BBX: variants seen among roughly 807,000 people sequenced by gnomAD.
BBX encodes the protein HMG box transcription factor BBX.
BBX carries 30 observed loss-of-function variants against 100.2 expected under a neutral mutation model. That is an observed-to-expected ratio of 0.30 (90% CI 0.22 to 0.41). BBX has a LOEUF of 0.41. Among genes scored for constraint, BBX ranks in the 10% least tolerant of loss-of-function variants. The pLI is 1.00. For synonymous variants in BBX, 376 were observed against 388.1 expected (o/e 0.97, Z 0.37); for missense variants, 1,023 against 1,129.8 (o/e 0.91, Z 1.35).
At chr3:107,684,222 A>G (rs67944096) in intron 3 of BBX, among the ~76,000 whole-genome samples, 15,727 of 152,202 alleles carry the variant, frequency 0.1, 973 homozygotes, top group Non-Finnish European at 0.13. Context: ...AACCATGGAG[A>G]TGACGGATAT....
chr3:107,549,801 C>T (rs1243567473), intron 2 of BBX, among the ~76,000 whole-genome samples: 2 of 151,196 alleles, frequency 1.3e-5, no homozygotes, highest in Non-Finnish European at 2.9e-5. Flanking sequence ...TAATAGCAGT[C>T]AGGTGAGCTA....
chr3:107,615,896 T>C (rs1364865581), intron 2 of BBX, among the ~76,000 whole-genome samples: 1 of 151,428 alleles, frequency 6.6e-6, no homozygotes, highest in African/African-American at 2.4e-5. Context: ...TTAGGAGGAA[T>C]GTAGAGCTAG....
intron 3 of BBX, among the ~76,000 whole-genome samples, chr3:107,670,220 T>C (rs2058950969): frequency 6.6e-6 from 1 of 152,056 alleles, no homozygotes; most frequent in South Asian, 2.1e-4. Flanking sequence ...AAACATACAG[T>C]AAGAGAATAC....
rs762238459 is a variant in BBX, at chr3:107,798,504, A to G, written c.2354-19A>G. The G allele has an allele frequency of 3.1e-6, 5 of 1,609,260 alleles. No homozygotes were observed. The highest frequency in any genetic ancestry group is 1.1e-5 in the South Asian group (1 of 90,910). The stretch of plus-strand genomic sequence containing the variant: ...CTTCTGTTTTTGTGCATAACTATGC[A>G]TGGTATTTCCTATTTCAGCCATATT... On this transcript the variant is annotated intron_variant, in intron 15 of 17. Coordinates refer to ENST00000325805, the MANE Select transcript of BBX (RefSeq NM_001142568.3).
intron 3 of BBX, among the ~76,000 whole-genome samples, chr3:107,697,938 C>A (rs1435591132): frequency 6.6e-6 from 1 of 151,914 alleles, no homozygotes; most frequent in Non-Finnish European, 1.5e-5. Context: ...GCGCAGTATT[C>A]GGGTGGGAGT....
rs968271671 is a variant in BBX, at chr3:107,604,430, G to A, written c.-83-41406G>A. ...ATTTTCTAGGTTCTTCGGTATTCTG[G>A]TCACTCCCCTTCCTGGAATTGCTCT... On this transcript the variant is annotated intron_variant, in intron 2 of 17. Coordinates refer to ENST00000325805, the MANE Select transcript of BBX (RefSeq NM_001142568.3). 2.0e-5 allele frequency among the ~76,000 whole-genome samples: 3 copies of A among 152,058 alleles called. No homozygotes were observed. The South Asian group carries it at 6.2e-4, about 32-fold the overall frequency.
At chr3:107,730,335 G>A (rs2063227662) in intron 6 of BBX, among the ~76,000 whole-genome samples, 1 of 152,052 alleles carries the variant, frequency 6.6e-6, no homozygotes, top group African/African-American at 2.4e-5. Context: ...ATATCAGTTG[G>A]AGTACTTTCT....
intron 15 of BBX, among the ~76,000 whole-genome samples, chr3:107,798,240 C>T (rs1297910849): frequency 6.6e-6 from 1 of 152,186 alleles, no homozygotes; most frequent in Non-Finnish European, 1.5e-5. Flanking sequence ...TCAGATTTAC[C>T]TAAATTATCG....
At chr3:107,701,629 A>G (rs1196942277) in intron 3 of BBX, among the ~76,000 whole-genome samples, 2 of 152,192 alleles carry the variant, frequency 1.3e-5, no homozygotes, top group African/African-American at 4.8e-5. Context: ...TGCTCAGTAA[A>G]TATGTATTCA....
At chr3:107,596,071 T>A (rs934601603) in intron 2 of BBX, among the ~76,000 whole-genome samples, 3 of 152,236 alleles carry the variant, frequency 2.0e-5, no homozygotes, top group African/African-American at 7.2e-5. Flanking sequence ...TCCAATATAT[T>A]TTTTTGAAAA....
At chr3:107,686,597 T>C (rs1241032794) in intron 3 of BBX, among the ~76,000 whole-genome samples, 1 of 152,204 alleles carries the variant, frequency 6.6e-6, no homozygotes, top group Non-Finnish European at 1.5e-5. Flanking sequence ...GACAGACCCC[T>C]CTTTCCACTA....
intron 5 of BBX, among the ~76,000 whole-genome samples, chr3:107,718,807 T>C (rs1333134344): frequency 6.6e-6 from 1 of 152,124 alleles, no homozygotes; most frequent in Admixed American, 6.6e-5. Flanking sequence ...CAGTGCAGTC[T>C]AAGTGTGGAG....
chr3:107,640,862 A>T (rs563621634), intron 2 of BBX, among the ~76,000 whole-genome samples: 1 of 152,224 alleles, frequency 6.6e-6, no homozygotes, highest in Admixed American at 6.5e-5. Context: ...AGGTTTCTCC[A>T]TGTTGGCCAG....
chr3:107,693,471 C>T (rs1258454250), intron 3 of BBX, among the ~76,000 whole-genome samples: 3 of 150,754 alleles, frequency 2.0e-5, no homozygotes, highest in East Asian at 2.0e-4. Context: ...TTCCCCATTG[C>T]TTGTTTTTCT....
chr3:107,751,300 T>C (rs1045215512), intron 9 of BBX, among the ~76,000 whole-genome samples: 1 of 152,170 alleles, frequency 6.6e-6, no homozygotes, highest in Admixed American at 6.5e-5. Context: ...TAGGAAACAA[T>C]TTACTCTTTA....
At chr3:107,776,934 T>G (rs62263961) in intron 12 of BBX, among the ~76,000 whole-genome samples, 24,525 of 152,190 alleles carry the variant, frequency 0.16, 2,584 homozygotes, top group South Asian at 0.36. Flanking sequence ...GGGGAAAATA[T>G]CACCTCCACC....
At chr3:107,548,119 ACTC>A (rs1262506210) in intron 2 of BBX, among the ~76,000 whole-genome samples, 1 of 151,978 alleles carries the variant, frequency 6.6e-6, no homozygotes, top group Admixed American at 6.6e-5. Context: ...GTGTCAGACA[ACTC>A]CTGTTTGAAT....
intron 2 of BBX, among the ~76,000 whole-genome samples, chr3:107,548,691 A>G (rs769505306): frequency 1.3e-5 from 2 of 152,194 alleles, no homozygotes; most frequent in Non-Finnish European, 2.9e-5. Flanking sequence ...ATGGGCTGTT[A>G]TGTTCATTCC....
intron 10 of BBX, 99 bp downstream of exon 10, chr3:107,755,777 C>A: frequency 1.0e-6 from 1 of 988,616 alleles, no homozygotes; most frequent in Non-Finnish European, 1.5e-6. Flanking sequence ...CTCCTGTGAC[C>A]ATAAAATGAG....
Sources: allele counts gnomAD v4.1 joint callset (sites outside exome capture counted in the v4.1 genomes callset), GRCh38; gene constraint gnomAD v4.1.1; transcripts MANE v1.5; gene names NCBI Gene and HGNC (gene_info 2026-07-23, HGNC 2026-07-21).